NDST4: variants seen among roughly 807,000 people sequenced by gnomAD.
The protein encoded by NDST4 is N-deacetylase and N-sulfotransferase 4.
A neutral mutation model predicts 100.8 loss-of-function variants in NDST4; 63 were observed. The ratio of observed to expected loss-of-function variants is 0.62; its 90% confidence interval spans 0.51 to 0.77. NDST4 has a LOEUF of 0.77. Ranked by LOEUF, NDST4 falls within the 30% of genes least tolerant of loss-of-function variation. NDST4 has a pLI of 0.00. For synonymous variants in NDST4, 377 were observed against 361.8 expected (o/e 1.04, Z -0.48); for missense variants, 943 against 1,018.4 (o/e 0.93, Z 1.01).
At chr4:114,992,011 T>C (rs554240897) in intron 2 of NDST4, among the ~76,000 whole-genome samples, 17 of 152,076 alleles carry the variant, frequency 1.1e-4, no homozygotes, top group Middle Eastern at 3.4e-3. Flanking sequence ...CTTCAATACA[T>C]TGTTTATTAC....
At chr4:115,061,877 C>T (rs993372732) in intron 2 of NDST4, among the ~76,000 whole-genome samples, 14 of 151,828 alleles carry the variant, frequency 9.2e-5, no homozygotes, top group Non-Finnish European at 2.1e-4. Context: ...AAATTGTAAT[C>T]TTTAAATAAA....
chr4:114,849,616 A>G (rs555327019), intron 8 of NDST4, among the ~76,000 whole-genome samples: 1 of 152,220 alleles, frequency 6.6e-6, no homozygotes, highest in Non-Finnish European at 1.5e-5. Context: ...CAACAGATCC[A>G]TGGGGACCAA....
intron 2 of NDST4, among the ~76,000 whole-genome samples, chr4:115,042,547 T>A (rs1013142315): frequency 6.6e-6 from 1 of 152,150 alleles, no homozygotes; most frequent in Non-Finnish European, 1.5e-5. Context: ...TGTTCTATTT[T>A]ATTATCTGTT....
At chr4:114,911,327 C>G (rs1725057547) in intron 6 of NDST4, among the ~76,000 whole-genome samples, 1 of 152,182 alleles carries the variant, frequency 6.6e-6, no homozygotes, top group Non-Finnish European at 1.5e-5. Flanking sequence ...CCAATTGCTA[C>G]TCTTTGTAAC....
At chr4:115,111,275 A>G (rs1468134016) in intron 1 of NDST4, among the ~76,000 whole-genome samples, 1 of 151,922 alleles carries the variant, frequency 6.6e-6, no homozygotes, top group Non-Finnish European at 1.5e-5. Context: ...TTTATTTTAA[A>G]TCCAAGTATA....
chr4:115,058,687 G>A (rs1456860022), intron 2 of NDST4, among the ~76,000 whole-genome samples: 1 of 151,840 alleles, frequency 6.6e-6, no homozygotes, highest in African/African-American at 2.4e-5. Context: ...CCTACTTTGA[G>A]GTAAAGGCAA....
intron 6 of NDST4, among the ~76,000 whole-genome samples, chr4:114,921,003 A>T (rs529258477): frequency 6.6e-6 from 1 of 152,352 alleles, no homozygotes; most frequent in East Asian, 1.9e-4. Context: ...TTTACCAAAC[A>T]CAGAGGTTGC....
At chr4:114,964,721 T>C (rs1726343111) in intron 4 of NDST4, among the ~76,000 whole-genome samples, 1 of 152,214 alleles carries the variant, frequency 6.6e-6, no homozygotes, top group Non-Finnish European at 1.5e-5. Flanking sequence ...TCGTCTTGAC[T>C]AAAGCTTAAT....
rs752539724 is a variant in NDST4, at chr4:114,937,351, C to T, written c.1374G>A (p.Arg458=). The T allele has an allele frequency of 1.2e-6, 2 of 1,614,010 alleles. No homozygotes were observed. Among genetic ancestry groups the T allele is most frequent in the Non-Finnish European group, 1.7e-6 (2 of 1,179,996 alleles). ...TEEYPHLKPA[R]YRKGFIHNSI... The stretch of plus-strand genomic sequence containing the variant: ...TATTGTGAATGAAGCCCTTTCTGTA[C>T]CGGGCAGGTTTCAGATGTGGATATT... Residue 458 remains arginine, a synonymous_variant, in exon 5 of 14, where the codon CGG becomes CGA. Transcript: ENST00000264363.
chr4:115,022,004 ATATGTTCCATATCTC>A (rs1369737964), intron 2 of NDST4, among the ~76,000 whole-genome samples: 6,730 of 151,642 alleles, frequency 0.044, 511 homozygotes, highest in African/African-American at 0.15. Context: ...TATTCCATAT[ATATGTTCCATATCTC>A]TATGTTCCAT....
chr4:115,051,461 A>G (rs1029249109), intron 2 of NDST4, among the ~76,000 whole-genome samples: 12 of 151,934 alleles, frequency 7.9e-5, no homozygotes, highest in African/African-American at 2.2e-4. Context: ...TCTATTCTCT[A>G]TCTTCAAAAA....
At chr4:115,096,458 A>C (rs1410043937) in intron 1 of NDST4, among the ~76,000 whole-genome samples, 1 of 152,046 alleles carries the variant, frequency 6.6e-6, no homozygotes, top group Non-Finnish European at 1.5e-5. Flanking sequence ...CTCATCTGAT[A>C]ATCTTGCTTT....
intron 2 of NDST4, among the ~76,000 whole-genome samples, chr4:115,038,281 T>C (rs1413758471): frequency 6.6e-6 from 1 of 152,192 alleles, no homozygotes; most frequent in East Asian, 1.9e-4. Flanking sequence ...ATATAGTTAT[T>C]GAATAGGAAA....
intron 2 of NDST4, among the ~76,000 whole-genome samples, chr4:115,068,572 G>A (rs1240085188): frequency 6.6e-6 from 1 of 151,608 alleles, no homozygotes; most frequent in East Asian, 1.9e-4. Context: ...ACTTTGGGAG[G>A]CTGAGGAGGG....
At chr4:114,828,074 A>G in intron 13 of NDST4, 139 bp from the exon 14 acceptor site, 2 of 796,316 alleles carry the variant, frequency 2.5e-6, no homozygotes, top group East Asian at 3.4e-5. Context: ...TTTTCCTCAA[A>G]TATCAGTTAT....
At chr4:115,106,921 G>GAT (rs1303371427) in intron 1 of NDST4, among the ~76,000 whole-genome samples, 2 of 152,128 alleles carry the variant, frequency 1.3e-5, no homozygotes, top group East Asian at 3.9e-4. Flanking sequence ...TTGTCAGGCT[G>GAT]AGGTAGGAGG....
chr4:114,847,147 C>A (rs894320029), intron 9 of NDST4, among the ~76,000 whole-genome samples: 2 of 131,006 alleles, frequency 1.5e-5, no homozygotes, highest in East Asian at 3.9e-4. Context: ...GAGGCCGAGG[C>A]GGGCGGATCA....
At chr4:114,881,728 G>A (rs1408318391) in intron 6 of NDST4, among the ~76,000 whole-genome samples, 1 of 152,066 alleles carries the variant, frequency 6.6e-6, no homozygotes, top group African/African-American at 2.4e-5. Context: ...AGTGGCATAA[G>A]AGACATGTTT....
chr4:114,842,783 A>G lies in NDST4; in HGVS notation c.2115+3040T>C, dbSNP rs190964769. On this transcript the variant is annotated intron_variant, in intron 10 of 13. Transcript: ENST00000264363. The stretch of plus-strand genomic sequence containing the variant: ...GCCATTGCACTCCAACCTGGGCGAC[A>G]GAGTGAGACTCCATTAAAAAAAAAC... 3.8e-3 allele frequency: 592 copies of G among 155,590 alleles called. 2 individuals carry two copies. The highest frequency in any genetic ancestry group is 0.024 in the South Asian group (130 of 5,322). 9.6% of individuals were successfully genotyped at this position (155,590 alleles called of 1,614,324 possible). A position where few individuals can be genotyped will look rare whatever the true frequency, so the allele number is the denominator to read the frequency against.
Sources: allele counts gnomAD v4.1 joint callset (sites outside exome capture counted in the v4.1 genomes callset), GRCh38; gene constraint gnomAD v4.1.1; transcripts MANE v1.5; gene names NCBI Gene and HGNC (gene_info 2026-07-23, HGNC 2026-07-21).